Variants in LRRC4C observed in about 807,000 individuals in gnomAD.
The protein encoded by LRRC4C is leucine-rich repeat-containing protein 4C.
A neutral mutation model predicts 33.6 loss-of-function variants in LRRC4C; 5 were observed. That is an observed-to-expected ratio of 0.15 (90% CI 0.08 to 0.31). The LOEUF is 0.31. Among genes scored for constraint, LRRC4C ranks in the 10% least tolerant of loss-of-function variants. The pLI is 1.00. For missense variants in LRRC4C, 560 were observed against 796.7 expected (o/e 0.70, Z 3.58); for synonymous variants, 329 against 302.0 (o/e 1.09, Z -0.93).
rs558736542 is a variant in LRRC4C, at chr11:40,703,756, C to CTGAG, written c.-406-55482_-406-55479dup. ...TGTTTCATTCAAGCCTGGAGATGAG[C>CTGAG]TGAGACTAAATTACGCAGTAGTTGA... On this transcript the variant is annotated intron_variant, in intron 2 of 6. Coordinates refer to ENST00000528697, the MANE Select transcript of LRRC4C (RefSeq NM_001258419.2). Among the ~76,000 whole-genome samples the CTGAG allele has an allele frequency of 5.3e-5, 8 of 152,264 alleles. No homozygotes were observed. In the South Asian group the frequency reaches 1.7e-3, roughly 32 times the overall value.
chr11:41,007,251 G>A (rs898398317), intron 1 of LRRC4C, among the ~76,000 whole-genome samples: 4 of 151,568 alleles, frequency 2.6e-5, no homozygotes, highest in Non-Finnish European at 5.9e-5. Context: ...AATAGGCAAA[G>A]GATAAACAGG....
intron 2 of LRRC4C, among the ~76,000 whole-genome samples, chr11:40,910,241 T>C (rs1016446410): frequency 5.3e-5 from 8 of 151,982 alleles, no homozygotes; most frequent in African/African-American, 7.2e-5. Context: ...TTATAAGAGA[T>C]GGAAAAATAA....
At chr11:40,900,538 G>T (rs952628024) in intron 2 of LRRC4C, among the ~76,000 whole-genome samples, 2 of 151,954 alleles carry the variant, frequency 1.3e-5, no homozygotes, top group African/African-American at 4.8e-5. Context: ...TTAAATCATG[G>T]TTTCATGCTA....
intron 2 of LRRC4C, among the ~76,000 whole-genome samples, chr11:40,723,271 T>C (rs1385758329): frequency 6.6e-6 from 1 of 151,646 alleles, no homozygotes; most frequent in Non-Finnish European, 1.5e-5. Context: ...TGCAAGATAC[T>C]ATATAAGACA....
At chr11:40,123,571 A>G (rs1855986531) in intron 6 of LRRC4C, among the ~76,000 whole-genome samples, 1 of 152,128 alleles carries the variant, frequency 6.6e-6, no homozygotes, top group African/African-American at 2.4e-5. Flanking sequence ...AACATTAATG[A>G]AAGAAGAAAT....
chr11:40,657,085 A>G (rs889169786), intron 2 of LRRC4C, among the ~76,000 whole-genome samples: 1 of 152,206 alleles, frequency 6.6e-6, no homozygotes, highest in Non-Finnish European at 1.5e-5. Context: ...TATTTCATAT[A>G]ATCCTAAAGA....
chr11:40,685,372 T>A (rs1944903410), intron 2 of LRRC4C, among the ~76,000 whole-genome samples: 1 of 151,972 alleles, frequency 6.6e-6, no homozygotes. Flanking sequence ...TCAATTTTTT[T>A]AATAAAAAGT....
intron 3 of LRRC4C, among the ~76,000 whole-genome samples, chr11:40,448,596 C>T (rs1472795895): frequency 2.0e-5 from 3 of 152,200 alleles, no homozygotes; most frequent in Non-Finnish European, 4.4e-5. Context: ...TTTTTTACAG[C>T]TGCATAGTAT....
At chr11:41,089,011 G>A (rs762821915) in intron 1 of LRRC4C, among the ~76,000 whole-genome samples, 12 of 152,070 alleles carry the variant, frequency 7.9e-5, no homozygotes, top group East Asian at 1.9e-4. Flanking sequence ...CCACACATAC[G>A]TCTTTGAAAG....
intron 4 of LRRC4C, among the ~76,000 whole-genome samples, chr11:40,243,888 C>T (rs1376555271): frequency 2.0e-5 from 3 of 146,546 alleles, no homozygotes; most frequent in Admixed American, 6.9e-5. Flanking sequence ...TTGGTAGAGA[C>T]GGAGTTTCAC....
chr11:40,480,273 T>C (rs906160670), intron 3 of LRRC4C, among the ~76,000 whole-genome samples: 2 of 150,860 alleles, frequency 1.3e-5, no homozygotes, highest in Non-Finnish European at 3.0e-5. Flanking sequence ...TGAAAGTTTT[T>C]TGTTTGCTTG....
chr11:40,983,367 A>G (rs1354996859), intron 1 of LRRC4C, among the ~76,000 whole-genome samples: 2 of 152,180 alleles, frequency 1.3e-5, no homozygotes, highest in Non-Finnish European at 2.9e-5. Context: ...AGTTAACTCA[A>G]AATGGATTAA....
At chr11:40,355,848 GGT>G (rs1947632009) in intron 3 of LRRC4C, among the ~76,000 whole-genome samples, 1 of 152,022 alleles carries the variant, frequency 6.6e-6, no homozygotes, top group Non-Finnish European at 1.5e-5. Flanking sequence ...TGTTCAATTT[GGT>G]GTTCCTGTTG....
intron 2 of LRRC4C, among the ~76,000 whole-genome samples, chr11:40,816,160 C>T (rs1951697685): frequency 6.6e-6 from 1 of 152,144 alleles, no homozygotes; most frequent in South Asian, 2.1e-4. Flanking sequence ...ATAAGTTTTA[C>T]ACGTATTGAC....
chr11:40,336,226 CT>C (rs1014750505), intron 3 of LRRC4C, among the ~76,000 whole-genome samples: 1 of 152,130 alleles, frequency 6.6e-6, no homozygotes, highest in African/African-American at 2.4e-5. Context: ...CCTCTCTCCT[CT>C]TTTTTTCTTG....
chr11:41,201,074 T>C (rs1305186516), intron 1 of LRRC4C, among the ~76,000 whole-genome samples: 1 of 152,210 alleles, frequency 6.6e-6, no homozygotes, highest in African/African-American at 2.4e-5. Flanking sequence ...TTTTAAGAGA[T>C]ACAAGACTAA....
chr11:40,698,058 A>G lies in LRRC4C; in HGVS notation c.-406-49780T>C, dbSNP rs528470602. Among the ~76,000 whole-genome samples, 13 of 132,946 alleles carry G rather than the reference A, an allele frequency of 9.8e-5. No individual in the cohort carries two copies. The East Asian group carries it at 2.1e-3, about 22-fold the overall frequency. 87.2% of individuals were successfully genotyped at this position (132,946 alleles called of 152,430 possible). On this transcript the variant is annotated intron_variant, in intron 2 of 6. Transcript: ENST00000528697. ...CCTCCAGCCTGGGCAACAGAGTGAG[A>G]CTCTGTCTCAAAAAAAAAAAAAAAA...
rs190473380 is a variant in LRRC4C, at chr11:40,413,982, C to A, written c.-269-94261G>T. Reference sequence around the variant, plus strand: ...TGTTATTTAAAGTCTAAGAATTATGCACAATTTTCATCATTTTGTGTCAAT... The same window carrying A: ...TGTTATTTAAAGTCTAAGAATTATGAACAATTTTCATCATTTTGTGTCAAT... On this transcript the variant is annotated intron_variant, in intron 3 of 6. Transcript: ENST00000528697. Among the ~76,000 whole-genome samples, 267 of 152,132 alleles carry A rather than the reference C, an allele frequency of 1.8e-3. 3 individuals are homozygous for A. The East Asian group carries it at 0.028, about 16-fold the overall frequency.
At chr11:40,140,934 C>T (rs1857322206) in intron 5 of LRRC4C, 81 bp from the exon 6 acceptor site, 1 of 152,694 alleles carries the variant, frequency 6.5e-6, no homozygotes, top group African/African-American at 2.4e-5. Flanking sequence ...TCTGCCACCA[C>T]CACAACCACC....
Sources: gnomAD v4.1 joint callset for allele counts (sites outside exome capture counted in the v4.1 genomes callset) on GRCh38, gnomAD v4.1.1 for gene constraint, MANE v1.5 for transcripts, NCBI Gene and HGNC (gene_info 2026-07-23, HGNC 2026-07-21) for gene names.